The following SEC14L5 variants were observed in gnomAD, a reference collection of about 807,000 sequenced individuals.
SEC14L5 encodes the protein SEC14-like protein 5.
Under a neutral mutation model 84.6 loss-of-function variants are expected in SEC14L5, and 96 were observed. That is an observed-to-expected ratio of 1.13 (90% CI 0.96 to 1.34). The LOEUF is 1.34. Among genes scored for constraint, SEC14L5 ranks in the 40% most tolerant of loss-of-function variants. The probability of loss-of-function intolerance (pLI) is 0.00; values close to 1 mark genes in which losing one functional copy is unlikely to be tolerated. For missense variants in SEC14L5, 1,224 were observed against 942.5 expected (o/e 1.30, Z -3.91); for synonymous variants, 546 against 383.4 (o/e 1.42, Z -4.95).
intron 2 of SEC14L5, among the ~76,000 whole-genome samples, chr16:4,979,242 G>A (rs143860221): frequency 6.6e-6 from 1 of 152,318 alleles, no homozygotes; most frequent in East Asian, 1.9e-4. Flanking sequence ...AGTGTCTTGA[G>A]TGTTGGGCTG....
At chr16:5,014,687 TGG>T (rs1955850666) in intron 15 of SEC14L5, among the ~76,000 whole-genome samples, 170 bp from the exon 16 acceptor site, 1 of 152,192 alleles carries the variant, frequency 6.6e-6, no homozygotes, top group African/African-American at 2.4e-5. Flanking sequence ...GATGGGAGTG[TGG>T]GGAATTCGGT....
intron 2 of SEC14L5, among the ~76,000 whole-genome samples, chr16:4,965,660 C>CAAAAAAAAAAAAAAAAAA (rs34483309): frequency 1.9e-5 from 1 of 53,100 alleles, no homozygotes; most frequent in African/African-American, 9.2e-5. Context: ...GACTCCATCT[C>CAAAAAAAAAAAAAAAAAA]AAAAAAAAAA....
chr16:5,000,827 G>C, intron 9 of SEC14L5, 28 bp from the exon 10 acceptor site: 2 of 1,588,236 alleles, frequency 1.3e-6, no homozygotes, highest in Admixed American at 3.6e-5. Flanking sequence ...CGAGGCGGAC[G>C]TTGAGCAGCA....
intron 2 of SEC14L5, among the ~76,000 whole-genome samples, chr16:4,971,131 G>T (rs1484942027): frequency 1.3e-5 from 2 of 148,438 alleles, no homozygotes; most frequent in Non-Finnish European, 3.0e-5. Context: ...CTTTGGTCCT[G>T]TTGCAGCCAT....
chr16:4,962,850 G>C (rs1351458165), intron 2 of SEC14L5, among the ~76,000 whole-genome samples: 3 of 152,166 alleles, frequency 2.0e-5, no homozygotes, highest in African/African-American at 7.2e-5. Context: ...AAGCCACTTT[G>C]CCGACTGTTT....
Position 5,014,859 on chromosome 16 carries a change from G to C in SEC14L5, c.1980G>C (p.Arg660Ser). 1 of 1,613,194 alleles carries C rather than the reference G, an allele frequency of 6.2e-7. No homozygotes were observed. Among genetic ancestry groups the C allele is most frequent in the Non-Finnish European group, 8.5e-7 (1 of 1,179,394 alleles). ...CGTGTGCCACGCCCTTCCTCCCCAG[G>C]GGCTCCATGTCCAGCCTGGAATCCT... is the stretch of plus-strand genomic sequence containing the variant. ...YCEVLASEDF[R>S]GSMSSLESCT... is the part of the protein sequence containing the mutation. Residue 660 changes from arginine to serine, a missense_variant and splice_region_variant, in exon 16 of 16, where the codon AGG becomes AGC. Arg to Ser is a moderately radical substitution (Grantham distance 110). Transcript: ENST00000251170.
At chr16:5,004,327 G>A (rs1422327889) in intron 11 of SEC14L5, among the ~76,000 whole-genome samples, 1 of 152,118 alleles carries the variant, frequency 6.6e-6, no homozygotes, top group Non-Finnish European at 1.5e-5. Flanking sequence ...TTTTTATCCT[G>A]AATTGTCCTA....
At chr16:4,959,854 G>A (rs1955097670) in intron 2 of SEC14L5, among the ~76,000 whole-genome samples, 3 of 152,152 alleles carry the variant, frequency 2.0e-5, no homozygotes, top group African/African-American at 7.2e-5. Flanking sequence ...ACAGGTGAAG[G>A]GATGACACTA....
chr16:5,000,358 A>G (rs1955661456), intron 8 of SEC14L5, among the ~76,000 whole-genome samples: 1 of 152,200 alleles, frequency 6.6e-6, no homozygotes, highest in Non-Finnish European at 1.5e-5. Context: ...GCTGGTCTCA[A>G]AACTCCTGTG....
At chr16:4,966,988 C>T (rs1955208274) in intron 2 of SEC14L5, among the ~76,000 whole-genome samples, 1 of 152,220 alleles carries the variant, frequency 6.6e-6, no homozygotes, top group African/African-American at 2.4e-5. Flanking sequence ...TTTAGGCCAG[C>T]TCAGAGGCAG....
At chr16:4,989,053 G>T (rs1955525147) in intron 4 of SEC14L5, among the ~76,000 whole-genome samples, 1 of 152,252 alleles carries the variant, frequency 6.6e-6, no homozygotes, top group Non-Finnish European at 1.5e-5. Flanking sequence ...GCATTTTGGG[G>T]GTGGGAACAG....
At chr16:4,998,566 G>T (rs1367469096) in intron 8 of SEC14L5, among the ~76,000 whole-genome samples, 1 of 148,492 alleles carries the variant, frequency 6.7e-6, no homozygotes. Context: ...GTGAAACCCC[G>T]TCTCTACTAA....
chr16:4,987,858 G>A (rs536498760), intron 3 of SEC14L5, among the ~76,000 whole-genome samples, 152 bp downstream of exon 3: 1 of 152,172 alleles, frequency 6.6e-6, no homozygotes, highest in South Asian at 2.1e-4. Flanking sequence ...CCAGGATGAG[G>A]GTGGCGGGAC....
chr16:5,006,770 C>T (rs1037104048), intron 12 of SEC14L5, among the ~76,000 whole-genome samples: 3 of 152,212 alleles, frequency 2.0e-5, no homozygotes, highest in African/African-American at 7.2e-5. Flanking sequence ...TTCTGCAGAT[C>T]TGAGAGTGGC....
intron 2 of SEC14L5, among the ~76,000 whole-genome samples, chr16:4,980,556 C>A (rs1280024166): frequency 6.6e-6 from 1 of 152,108 alleles, no homozygotes; most frequent in Non-Finnish European, 1.5e-5. Flanking sequence ...GGGCCAAGTG[C>A]GTGTTATGTT....
intron 2 of SEC14L5, among the ~76,000 whole-genome samples, chr16:4,978,955 C>T (rs1052958668): frequency 3.9e-5 from 6 of 152,122 alleles, no homozygotes; most frequent in Non-Finnish European, 8.8e-5. Flanking sequence ...AGGCTGGTCT[C>T]GAAGTCCTGG....
chr16:4,973,200 C>T (rs995267399), intron 2 of SEC14L5, among the ~76,000 whole-genome samples: 1 of 152,216 alleles, frequency 6.6e-6, no homozygotes, highest in Non-Finnish European at 1.5e-5. Flanking sequence ...TGACCCTGTG[C>T]TGTGTCTCTG....
At chr16:5,003,624 G>GGGGTGGCCC in intron 11 of SEC14L5, 51 bp downstream of exon 11, 1 of 305,312 alleles carries the variant, frequency 3.3e-6, no homozygotes, top group East Asian at 1.0e-4. Context: ...GGTGGGATGG[G>GGGGTGGCCC]AGGGGTTCCG....
intron 3 of SEC14L5, 96 bp downstream of exon 3, chr16:4,987,802 C>A: frequency 1.1e-6 from 1 of 943,002 alleles, no homozygotes; most frequent in Non-Finnish European, 1.5e-6. Context: ...CGGCGGGGTC[C>A]AGGAGGTGGA....
Sources: gnomAD v4.1 joint callset for allele counts (sites outside exome capture counted in the v4.1 genomes callset) on GRCh38, gnomAD v4.1.1 for gene constraint, MANE v1.5 for transcripts, NCBI Gene and HGNC (gene_info 2026-07-23, HGNC 2026-07-21) for gene names.